DLG1: variants seen among roughly 807,000 people sequenced by gnomAD.
DLG1 encodes the protein disks large homolog 1.
Under a neutral mutation model 123.4 loss-of-function variants are expected in DLG1, and 42 were observed. That is an observed-to-expected ratio of 0.34 (90% CI 0.27 to 0.44). DLG1 has a LOEUF of 0.44. Among genes scored for constraint, DLG1 ranks in the 20% least tolerant of loss-of-function variants. The probability of loss-of-function intolerance (pLI) is 1.00; values close to 1 mark genes in which losing one functional copy is unlikely to be tolerated. For synonymous variants in DLG1, 317 were observed against 356.2 expected, an observed-to-expected ratio of 0.89 and a Z score of 1.24; for missense variants, 942 against 1,082.6, an observed-to-expected ratio of 0.87 and a Z score of 1.82.
At chr3:197,214,684 GA>G (rs1733142598) in intron 4 of DLG1, among the ~76,000 whole-genome samples, 1 of 152,126 alleles carries the variant, frequency 6.6e-6, no homozygotes. Context: ...AGTTTGGGGG[GA>G]GGGGTAGGAG....
chr3:197,120,421 C>T (rs1775703683), intron 11 of DLG1, among the ~76,000 whole-genome samples: 2 of 151,932 alleles, frequency 1.3e-5, no homozygotes. Context: ...AGGTAGGTAA[C>T]ACATGGCAGC....
intron 11 of DLG1, among the ~76,000 whole-genome samples, chr3:197,125,491 A>G (rs1032109852): frequency 1.3e-5 from 2 of 152,202 alleles, no homozygotes; most frequent in African/African-American, 4.8e-5. Context: ...TACAAATAGA[A>G]AAATTGAGAC....
intron 4 of DLG1, among the ~76,000 whole-genome samples, chr3:197,282,233 G>A (rs936373956): frequency 6.6e-6 from 1 of 152,206 alleles, no homozygotes; most frequent in African/African-American, 2.4e-5. Context: ...TCAGTCTCTA[G>A]TGAGTTTGAA....
intron 14 of DLG1, among the ~76,000 whole-genome samples, chr3:197,103,805 C>T (rs1764857341): frequency 6.6e-6 from 1 of 151,456 alleles, no homozygotes; most frequent in Non-Finnish European, 1.5e-5. Flanking sequence ...TACAGAATTA[C>T]TCATTTAGCT....
At chr3:197,217,073 T>C (rs1734473529) in intron 4 of DLG1, among the ~76,000 whole-genome samples, 1 of 152,222 alleles carries the variant, frequency 6.6e-6, no homozygotes, top group Non-Finnish European at 1.5e-5. Flanking sequence ...AATGTAGCAT[T>C]TTCATCCACT....
chr3:197,235,302 AAAG>A (rs1437103580), intron 4 of DLG1, among the ~76,000 whole-genome samples: 3 of 152,236 alleles, frequency 2.0e-5, no homozygotes, highest in Non-Finnish European at 4.4e-5. Flanking sequence ...AGAATACTGG[AAAG>A]AAGAAGGCTA....
At chr3:197,101,948 G>C (rs773136481) in intron 14 of DLG1, among the ~76,000 whole-genome samples, 15 of 152,060 alleles carry the variant, frequency 9.9e-5, no homozygotes, top group Non-Finnish European at 1.8e-4. Context: ...GCAGAGACAA[G>C]ATCTTGCTAT....
intron 14 of DLG1, among the ~76,000 whole-genome samples, chr3:197,098,823 C>G (rs757529425): frequency 6.6e-6 from 1 of 152,230 alleles, no homozygotes; most frequent in Admixed American, 6.5e-5. Flanking sequence ...TGAGCCATTG[C>G]GCCTGGCCAA....
chr3:197,283,212 T>C (rs1274673431), intron 3 of DLG1, among the ~76,000 whole-genome samples: 2 of 152,226 alleles, frequency 1.3e-5, no homozygotes, highest in Non-Finnish European at 2.9e-5. Flanking sequence ...CCTAGCACTA[T>C]AGCACAGAAT....
chr3:197,166,995 G>C (rs1577380522), intron 5 of DLG1, among the ~76,000 whole-genome samples: 1 of 152,108 alleles, frequency 6.6e-6, no homozygotes, highest in Non-Finnish European at 1.5e-5. Flanking sequence ...CAAGATGTGT[G>C]TAGACATCTT....
At chr3:197,248,079 C>T (rs1752622265) in intron 4 of DLG1, among the ~76,000 whole-genome samples, 1 of 152,190 alleles carries the variant, frequency 6.6e-6, no homozygotes. Flanking sequence ...TCACTCTACA[C>T]TTAATGTGCC....
chr3:197,075,868 C>T (rs1746894942), intron 18 of DLG1: 1 of 1,611,908 alleles, frequency 6.2e-7, no homozygotes, highest in African/African-American at 1.3e-5. Flanking sequence ...CGTCAGGGAT[C>T]TCCTGTAGAG....
At chr3:197,234,998 T>C (rs767867497) in intron 4 of DLG1, among the ~76,000 whole-genome samples, 2 of 152,058 alleles carry the variant, frequency 1.3e-5, no homozygotes, top group African/African-American at 2.4e-5. Flanking sequence ...CGTCAGGCCA[T>C]GAAGAAGTTA....
intron 4 of DLG1, 53 bp from the exon 5 acceptor site, chr3:197,194,642 C>A: frequency 7.4e-7 from 1 of 1,345,526 alleles, no homozygotes; most frequent in Non-Finnish European, 1.0e-6. Context: ...GAGTTTAATT[C>A]AAATCATGGT....
At chr3:197,297,908 C>T (rs1388709335) in intron 1 of DLG1, 7 of 984,322 alleles carry the variant, frequency 7.1e-6, no homozygotes, top group South Asian at 4.7e-5. Context: ...GCCCGGGGCC[C>T]GCGGAGCCGA....
intron 23 of DLG1, among the ~76,000 whole-genome samples, chr3:197,059,673 G>A (rs1734425976): frequency 6.6e-6 from 1 of 152,002 alleles, no homozygotes; most frequent in South Asian, 2.1e-4. Context: ...TCTAACACAT[G>A]TTACCTTATA....
chr3:197,190,940 G>A (rs1199202909), intron 5 of DLG1, among the ~76,000 whole-genome samples: 1 of 152,162 alleles, frequency 6.6e-6, no homozygotes, highest in East Asian at 1.9e-4. Flanking sequence ...AACCCGGGAG[G>A]CGGAGCTTGC....
chr3:197,207,806 T>C (rs1456685812), intron 4 of DLG1, among the ~76,000 whole-genome samples: 2 of 146,460 alleles, frequency 1.4e-5, no homozygotes, highest in African/African-American at 4.9e-5. Context: ...AATGGGTAGC[T>C]ACAACAAAAA....
At chr3:197,132,173 T>C (rs1782972672) in intron 10 of DLG1, among the ~76,000 whole-genome samples, 1 of 152,122 alleles carries the variant, frequency 6.6e-6, no homozygotes, top group Admixed American at 6.5e-5. Context: ...GGACCAACTT[T>C]CAGTTTTGTC....
Sources: allele counts gnomAD v4.1 joint callset (sites outside exome capture counted in the v4.1 genomes callset), GRCh38; gene constraint gnomAD v4.1.1; transcripts MANE v1.5; gene names NCBI Gene and HGNC (gene_info 2026-07-23, HGNC 2026-07-21).